Variants in BMP5 observed in about 807,000 individuals in gnomAD.
BMP5 encodes the protein bone morphogenetic protein 5.
A neutral mutation model predicts 46.6 loss-of-function variants in BMP5; 23 were observed. That is an observed-to-expected ratio of 0.49 (90% confidence interval 0.35 to 0.70). BMP5 has a LOEUF of 0.70. Among genes scored for constraint, BMP5 ranks in the 30% least tolerant of loss-of-function variants. BMP5 has a pLI of 0.00. For synonymous variants in BMP5, 204 were observed against 191.9 expected (o/e 1.06, Z -0.52); for missense variants, 545 against 565.6 (o/e 0.96, Z 0.37).
chr6:55,788,457 C>A (rs565619586), intron 3 of BMP5, among the ~76,000 whole-genome samples: 1 of 151,802 alleles, frequency 6.6e-6, no homozygotes, highest in African/African-American at 2.4e-5. Flanking sequence ...ATACATCAAT[C>A]TGACCTTTTC....
chr6:55,838,418 C>T (rs1191775852), intron 1 of BMP5, among the ~76,000 whole-genome samples: 1 of 152,160 alleles, frequency 6.6e-6, no homozygotes, highest in Non-Finnish European at 1.5e-5. Flanking sequence ...TTTTCATATA[C>T]CTGTTTGCCA....
chr6:55,767,551 T>C (rs1031787439), intron 4 of BMP5, among the ~76,000 whole-genome samples: 4 of 150,860 alleles, frequency 2.7e-5, no homozygotes, highest in African/African-American at 4.9e-5. Context: ...GTATTAGATA[T>C]TAAGTGATGG....
chr6:55,874,254 A>G (rs1777848467), intron 1 of BMP5, 122 bp downstream of exon 1: 1 of 1,271,364 alleles, frequency 7.9e-7, no homozygotes, highest in Non-Finnish European at 1.1e-6. Flanking sequence ...ACAGAAGCTA[A>G]ACAGGAGAGT....
chr6:55,819,837 G>A lies in BMP5; in HGVS notation c.501C>T (p.Asp167=). ...VMSFVNLVER[D]KDFSHQRRHY... The stretch of plus-strand genomic sequence containing the variant: ...GCCTTCGCTGGTGAGAAAAATCCTT[G>A]TCTCTTTCAACTGAAAAAATAAAGG... Residue 167 remains aspartate (D), a synonymous_variant, in exon 2 of 7, where the codon GAC becomes GAT. Coordinates refer to ENST00000370830, the MANE Select transcript of BMP5 (RefSeq NM_021073.4). The A allele has an allele frequency of 1.2e-6, 2 of 1,613,240 alleles. No homozygotes were observed. The highest frequency in any genetic ancestry group is 1.7e-6 in the Non-Finnish European group (2 of 1,179,580).
At chr6:55,816,479 G>A (rs1252593138) in intron 2 of BMP5, among the ~76,000 whole-genome samples, 2 of 151,856 alleles carry the variant, frequency 1.3e-5, no homozygotes, top group East Asian at 3.9e-4. Context: ...ACATATTATA[G>A]TATTCACTAT....
intron 3 of BMP5, among the ~76,000 whole-genome samples, chr6:55,782,044 A>G (rs920275773): frequency 1.3e-5 from 2 of 152,088 alleles, no homozygotes; most frequent in African/African-American, 4.8e-5. Context: ...AGTGAACTAT[A>G]TTTTCTAAAA....
chr6:55,777,416 T>C (rs1347540402), intron 3 of BMP5, among the ~76,000 whole-genome samples: 1 of 152,050 alleles, frequency 6.6e-6, no homozygotes, highest in East Asian at 1.9e-4. Flanking sequence ...CCTTTACATG[T>C]GTGTATCAAC....
chr6:55,771,248 T>C (rs1775040446), intron 4 of BMP5, among the ~76,000 whole-genome samples: 1 of 151,922 alleles, frequency 6.6e-6, no homozygotes. Flanking sequence ...AAAAATCTTA[T>C]CCACCTAGTG....
intron 1 of BMP5, among the ~76,000 whole-genome samples, chr6:55,861,078 C>G (rs1777517537): frequency 6.6e-6 from 1 of 152,146 alleles, no homozygotes; most frequent in African/African-American, 2.4e-5. Context: ...TAAATATTAT[C>G]TAGAACACAG....
rs115183612 is a variant in BMP5 at position 55,846,086 on chromosome 6, A to C, written c.491-26239T>G. Reference sequence around the variant, plus strand: ...AAATTTATTTTCTCAGGCCCCACACAGTCTTTGAATGGCCCACTAGACTAA... The same window carrying C: ...AAATTTATTTTCTCAGGCCCCACACCGTCTTTGAATGGCCCACTAGACTAA... On this transcript the variant is annotated intron_variant, in intron 1 of 6. Coordinates refer to ENST00000370830, the MANE Select transcript of BMP5 (RefSeq NM_021073.4). 9.8e-3 allele frequency among the ~76,000 whole-genome samples: 1,492 copies of C among 152,072 alleles called. 11 individuals are homozygous for C. Among genetic ancestry groups the C allele is most frequent in the Non-Finnish European group, 0.017 (1,131 of 67,888 alleles).
chr6:55,834,940 G>C (rs1776753928), intron 1 of BMP5, among the ~76,000 whole-genome samples: 1 of 152,076 alleles, frequency 6.6e-6, no homozygotes, highest in African/African-American at 2.4e-5. Context: ...CAAAAAAATA[G>C]CTGGGCATGG....
chr6:55,780,030 A>G (rs1340311126), intron 3 of BMP5, among the ~76,000 whole-genome samples: 1 of 151,970 alleles, frequency 6.6e-6, no homozygotes, highest in Non-Finnish European at 1.5e-5. Context: ...GGCGTACAAT[A>G]CCTTGGCTGG....
chr6:55,835,162 T>A (rs1776760695), intron 1 of BMP5, among the ~76,000 whole-genome samples: 1 of 152,194 alleles, frequency 6.6e-6, no homozygotes, highest in Non-Finnish European at 1.5e-5. Flanking sequence ...TTTGGTCTTT[T>A]GACACAGCTT....
At chr6:55,867,826 C>T (rs542215114) in intron 1 of BMP5, among the ~76,000 whole-genome samples, 4 of 152,130 alleles carry the variant, frequency 2.6e-5, no homozygotes, top group Admixed American at 6.6e-5. Flanking sequence ...AGCAACCAGA[C>T]GCACAAATAA....
chr6:55,770,044 A>T (rs1409839808), intron 4 of BMP5, among the ~76,000 whole-genome samples: 1 of 151,870 alleles, frequency 6.6e-6, no homozygotes, highest in Non-Finnish European at 1.5e-5. Flanking sequence ...GGGTCCAAGG[A>T]TTTTCAGAAT....
chr6:55,762,673 GA>G (rs1774815593), intron 4 of BMP5, among the ~76,000 whole-genome samples: 1 of 152,022 alleles, frequency 6.6e-6, no homozygotes, highest in South Asian at 2.1e-4. Flanking sequence ...ATCGTGTTTA[GA>G]AAAAGAAATA....
chr6:55,807,997 G>C (rs894563378), intron 2 of BMP5, among the ~76,000 whole-genome samples: 1 of 152,284 alleles, frequency 6.6e-6, no homozygotes, highest in African/African-American at 2.4e-5. Context: ...CACTTTGACT[G>C]TTCCTTGATG....
chr6:55,772,794 A>T (rs1230469785), intron 4 of BMP5: 2 of 984,984 alleles, frequency 2.0e-6, no homozygotes, highest in African/African-American at 3.5e-5. Context: ...CCATACAGAA[A>T]TCTTCCCTCC....
At chr6:55,834,960 C>T (rs576260448) in intron 1 of BMP5, among the ~76,000 whole-genome samples, 1 of 152,112 alleles carries the variant, frequency 6.6e-6, no homozygotes, top group Non-Finnish European at 1.5e-5. Flanking sequence ...GTGGCAGGTG[C>T]CTATAATCCC....
Sources: gnomAD v4.1 joint callset for allele counts (sites outside exome capture counted in the v4.1 genomes callset) on GRCh38, gnomAD v4.1.1 for gene constraint, MANE v1.5 for transcripts, NCBI Gene and HGNC (gene_info 2026-07-23, HGNC 2026-07-21) for gene names.